The following STX5 variants were observed in gnomAD, a reference collection of about 807,000 sequenced individuals.
STX5 encodes syntaxin 5.
A neutral mutation model predicts 42.9 loss-of-function variants in STX5; 15 were observed. The ratio of observed to expected loss-of-function variants is 0.35; its 90% CI spans 0.23 to 0.54. The LOEUF is 0.54. Ranked by LOEUF, STX5 falls within the 20% of genes least tolerant of loss-of-function variation. The pLI, the probability that STX5 is intolerant of heterozygous loss-of-function variation, is 0.91. For synonymous variants in STX5, 184 were observed against 173.2 expected (o/e 1.06, Z -0.49); for missense variants, 430 against 455.0 (o/e 0.95, Z 0.50).
chr11:62,818,323 G>T (rs565630312), intron 10 of STX5, among the ~76,000 whole-genome samples: 4 of 151,656 alleles, frequency 2.6e-5, no homozygotes, highest in Non-Finnish European at 5.9e-5. Context: ...TTGGGAGGCG[G>T]AAGTGGGAGG....
chr11:62,831,222 C>A lies in STX5; in HGVS notation c.22G>T (p.Gly8Trp), dbSNP rs867284106. ...ACACCCTGATCCGTGTTCTTAGACCCGTAGCGTTTCCGCGGGATCATTGAG... is the reference window on the plus strand; with the variant it reads ...ACACCCTGATCCGTGTTCTTAGACCAGTAGCGTTTCCGCGGGATCATTGAG... MIPRKRY[G>W]SKNTDQGVYL... Residue 8 changes from glycine to tryptophan, a missense_variant, in exon 2 of 11, where the codon GGG becomes TGG. By Grantham distance (184) the Gly-to-Trp change is radical (BLOSUM62 -2). Transcript: ENST00000294179. 6.4e-7 allele frequency: 1 copy of A among 1,563,338 alleles called. No homozygotes were observed. The highest frequency in any genetic ancestry group is 1.9e-5 in the Admixed American group (1 of 52,122).
chr11:62,809,672 T>TA (rs2084594137), intron 10 of STX5, among the ~76,000 whole-genome samples: 1 of 14,748 alleles, frequency 6.8e-5, no homozygotes, highest in African/African-American at 2.7e-4. Context: ...AGACTCTGTC[T>TA]CAAAAAAAAA....
intron 10 of STX5, among the ~76,000 whole-genome samples, chr11:62,810,128 AAAAG>A (rs1432243807): frequency 6.6e-6 from 1 of 151,592 alleles, no homozygotes; most frequent in Non-Finnish European, 1.5e-5. Context: ...AAAAGAAAGA[AAAAG>A]AAAAAAAGTG....
In STX5 at chr11:62,827,242, G is replaced by T. The variant is rs1210608814; in HGVS notation, c.353-17C>A. The T allele has an allele frequency of 1.2e-6, 2 of 1,614,138 alleles. No homozygotes were observed. Among genetic ancestry groups the T allele is most frequent in the Admixed American group, 3.3e-5 (2 of 60,012 alleles). On this transcript the variant is annotated splice_polypyrimidine_tract_variant and intron_variant, in intron 4 of 10. Coordinates refer to ENST00000294179, the MANE Select transcript of STX5 (RefSeq NM_003164.5). The stretch of plus-strand genomic sequence containing the variant: ...GCTTTGCCACTACAGAGACAAACAA[G>T]AAGCCACAATGGGTGAGGTCAAGGA...
At chr11:62,829,411 C>T (rs888415953) in intron 2 of STX5, among the ~76,000 whole-genome samples, 4 of 149,096 alleles carry the variant, frequency 2.7e-5, no homozygotes, top group Non-Finnish European at 5.9e-5. Context: ...GCAACAAGAG[C>T]GAAATTCCCA....
chr11:62,822,280 T>C (rs1166787997), intron 10 of STX5, among the ~76,000 whole-genome samples: 1 of 151,924 alleles, frequency 6.6e-6, no homozygotes, highest in East Asian at 1.9e-4. Context: ...TGAGAATCAC[T>C]TGAACCTAGG....
In STX5 at chr11:62,825,123, G is replaced by T; in HGVS notation, c.598-6C>A. ...CTCCTCTGCTGCTTCAGGTTCTGGG[G>T]TTGGGGAAAAACGCAAAGGACCTGA... On this transcript the variant is annotated splice_region_variant and splice_polypyrimidine_tract_variant and intron_variant, in intron 7 of 10. Coordinates refer to ENST00000294179, the MANE Select transcript of STX5 (RefSeq NM_003164.5). 6.2e-7 allele frequency: 1 copy of T among 1,612,732 alleles called. No homozygotes were observed.
intron 10 of STX5, among the ~76,000 whole-genome samples, chr11:62,816,233 A>G (rs2084671524): frequency 6.6e-6 from 1 of 152,214 alleles, no homozygotes; most frequent in Non-Finnish European, 1.5e-5. Context: ...TTGCAGCTAT[A>G]TTAGTGTTTA....
chr11:62,815,359 G>A (rs918113961), intron 10 of STX5, among the ~76,000 whole-genome samples: 19 of 151,720 alleles, frequency 1.3e-4, no homozygotes, highest in African/African-American at 4.1e-4. Context: ...ACAGAGTATC[G>A]CTCTGTCGTA....
At chr11:62,821,856 T>C (rs901515966) in intron 10 of STX5, among the ~76,000 whole-genome samples, 1 of 151,724 alleles carries the variant, frequency 6.6e-6, no homozygotes, top group Non-Finnish European at 1.5e-5. Flanking sequence ...TGAAACCCTG[T>C]CTCCACTAAA....
intron 2 of STX5, among the ~76,000 whole-genome samples, chr11:62,829,464 C>T (rs1206223151): frequency 1.5e-5 from 2 of 133,506 alleles, no homozygotes; most frequent in Non-Finnish European, 3.5e-5. Flanking sequence ...ATAGCACTCC[C>T]AAATTTTTTT....
At chr11:62,812,643 C>T (rs942015296) in intron 10 of STX5, among the ~76,000 whole-genome samples, 3 of 151,028 alleles carry the variant, frequency 2.0e-5, no homozygotes, top group Admixed American at 6.6e-5. Context: ...AGGATGGTCT[C>T]GATCTCCTGA....
chr11:62,811,563 G>C (rs1364272114), intron 10 of STX5, among the ~76,000 whole-genome samples: 1 of 151,808 alleles, frequency 6.6e-6, no homozygotes, highest in African/African-American at 2.4e-5. Flanking sequence ...CCCCTTTTTG[G>C]GCTGGCATTC....
At chr11:62,829,679 G>T (rs542055967) in intron 2 of STX5, among the ~76,000 whole-genome samples, 1 of 152,174 alleles carries the variant, frequency 6.6e-6, no homozygotes, top group South Asian at 2.1e-4. Context: ...CAGGAGGGTT[G>T]CTTGAGCCCA....
At chr11:62,828,315 A>G (rs2084817887) in intron 2 of STX5, among the ~76,000 whole-genome samples, 4 of 151,992 alleles carry the variant, frequency 2.6e-5, no homozygotes, top group African/African-American at 9.7e-5. Context: ...GTCTTGCTAT[A>G]TTGCCCAGGC....
chr11:62,817,704 G>A (rs1485575332), intron 10 of STX5, among the ~76,000 whole-genome samples: 1 of 151,984 alleles, frequency 6.6e-6, no homozygotes, highest in Non-Finnish European at 1.5e-5. Context: ...TCACTAAGAA[G>A]GTAGTAAATC....
In STX5 at chr11:62,825,618, G is replaced by T. The variant is rs1021781551; in HGVS notation, c.424-79C>A. ...GCATCTCTCACGATGGCCATCTCTG[G>T]TAGGAAGGACAAGGTGGAAGTTACT... On this transcript the variant is annotated intron_variant, in intron 5 of 10. Transcript: ENST00000294179. The T allele has an allele frequency of 3.9e-6, 5 of 1,285,982 alleles. No individual in the cohort carries two copies. In the African/African-American group the frequency reaches 7.3e-5, roughly 19 times the overall value. 79.7% of individuals were successfully genotyped at this position (1,285,982 alleles called of 1,614,324 possible). A position where few individuals can be genotyped will look rare whatever the true frequency, so the allele number is the denominator to read the frequency against.
chr11:62,827,295 C>A, intron 4 of STX5, 48 bp downstream of exon 4: 1 of 1,614,060 alleles, frequency 6.2e-7, no homozygotes, highest in Non-Finnish European at 8.5e-7. Context: ...AGTCCTCAAC[C>A]CTCTTTGATT....
chr11:62,816,604 A>ACTT (rs964470123), intron 10 of STX5, among the ~76,000 whole-genome samples: 22 of 151,850 alleles, frequency 1.4e-4, no homozygotes, highest in African/African-American at 5.3e-4. Context: ...AAAAAAGAAA[A>ACTT]CTTCTGAATA....
Sources: gnomAD v4.1 joint callset for allele counts (sites outside exome capture counted in the v4.1 genomes callset) on GRCh38, gnomAD v4.1.1 for gene constraint, MANE v1.5 for transcripts, NCBI Gene and HGNC (gene_info 2026-07-23, HGNC 2026-07-21) for gene names.